SH3D21: variants seen among roughly 807,000 people sequenced by gnomAD.
The protein encoded by SH3D21 is manchette microtubule inner protein 1.
A neutral mutation model predicts 82.1 loss-of-function variants in SH3D21; 83 were observed. The observed-to-expected ratio is 1.01, with a 90% CI of 0.85 to 1.21. The LOEUF (loss-of-function observed/expected upper bound fraction) is 1.21. SH3D21 is among the 50% of genes most tolerant of loss of function. The pLI is 0.00. For synonymous variants in SH3D21, 383 were observed against 387.8 expected (o/e 0.99, Z 0.15); for missense variants, 980 against 962.1 (o/e 1.02, Z -0.25).
At chr1:36,323,826 C>G (rs1426089949), downstream of SH3D21, 1 of 152,282 alleles carries the variant, frequency 6.6e-6, no homozygotes, top group Non-Finnish European at 1.5e-5. Context: ...ACAGCAACAA[C>G]AGAGAGGCTG....
At chr1:36,325,996 G>A (rs879388874), downstream of SH3D21, among the ~76,000 whole-genome samples, 3 of 152,310 alleles carry the variant, frequency 2.0e-5, no homozygotes, top group Non-Finnish European at 4.4e-5. Flanking sequence ...TAATGCGATG[G>A]ACAACACCTG....
At chr1:36,321,841 A>T, downstream of SH3D21, 1 of 1,019,390 alleles carries the variant, frequency 9.8e-7, no homozygotes, top group Non-Finnish European at 1.2e-6. This position sits in a 1 kb window ranked among gnomAD's most constrained non-coding sequence, Gnocchi z 6.1. Flanking sequence ...GGCTGGGTGC[A>T]GGCCTGTGGG....
At chr1:36,313,287 C>T (rs1646275851) in intron 10 of SH3D21, among the ~76,000 whole-genome samples, 1 of 151,532 alleles carries the variant, frequency 6.6e-6, no homozygotes, top group South Asian at 2.1e-4. Flanking sequence ...GATCGCGTCA[C>T]TGCACTCCAG....
chr1:36,329,041 T>C (rs561431676), downstream of SH3D21: 22 of 152,402 alleles, frequency 1.4e-4, no homozygotes, highest in African/African-American at 3.8e-4. Context: ...ATGGGGCAAC[T>C]CTAGGCCATC....
chr1:36,306,921 G>C lies in SH3D21; in HGVS notation c.226+16G>C, dbSNP rs1429471356. On this transcript the variant is annotated intron_variant, in intron 3 of 15. Transcript: ENST00000453908. This position sits in a 1 kb window ranked among gnomAD's most constrained non-coding sequence, Gnocchi z 4.5. Reference sequence around the variant, plus strand: ...CGCCGCCGAGGTGAGCGCAAGGGCGGGGACGGGCGCCGGTGGGCGGGTGCA... The same window carrying C: ...CGCCGCCGAGGTGAGCGCAAGGGCGCGGACGGGCGCCGGTGGGCGGGTGCA... The C allele has an allele frequency of 3.0e-6, 4 of 1,323,762 alleles. No individual in the cohort carries two copies. The highest frequency in any genetic ancestry group is 1.3e-5 in the South Asian group (1 of 77,380). The allele number at this position is 1,323,762 out of a possible 1,614,324, so 82.0% of individuals were successfully genotyped here.
intron 10 of SH3D21, 46 bp from the exon 11 acceptor site, chr1:36,319,025 G>T (rs1017885488): frequency 1.7e-6 from 2 of 1,168,670 alleles, no homozygotes; most frequent in Non-Finnish European, 2.5e-6. Flanking sequence ...ACAAGACAGG[G>T]CTAGCGACTG....
downstream of SH3D21, chr1:36,323,088 GA>G (rs750988726): frequency 1.9e-6 from 3 of 1,576,596 alleles, no homozygotes; most frequent in Non-Finnish European, 2.6e-6. Context: ...AGCAAAGTCA[GA>G]TCCTTCTCCC....
At chr1:36,313,972 C>CTTTTTTTTCTTTTTTTTTTTTTTTTT in intron 10 of SH3D21, among the ~76,000 whole-genome samples, 1 of 36,830 alleles carries the variant, frequency 2.7e-5, no homozygotes, top group African/African-American at 7.5e-5. Flanking sequence ...AACATATTTT[C>CTTTTTTTTCTTTTTTTTTTTTTTTTT]TTTTTTTTTT....
intron 10 of SH3D21, among the ~76,000 whole-genome samples, chr1:36,314,800 TCC>T (rs1646311090): frequency 6.6e-6 from 1 of 152,058 alleles, no homozygotes; most frequent in South Asian, 2.1e-4. Flanking sequence ...TTTGATGAAG[TCC>T]CATTTATCTA....
intron 10 of SH3D21, among the ~76,000 whole-genome samples, chr1:36,311,273 C>T (rs1367036531): frequency 6.6e-6 from 1 of 151,986 alleles, no homozygotes; most frequent in Non-Finnish European, 1.5e-5. Flanking sequence ...ACGGAGTCTG[C>T]ACTGTCGCCC....
chr1:36,322,205 G>A (rs1646474844), downstream of SH3D21: 1 of 1,389,246 alleles, frequency 7.2e-7, no homozygotes, highest in Non-Finnish European at 9.3e-7. Context: ...GGGAGCTGTG[G>A]GGGCCGAGGC....
At position 36,306,916 on chromosome 1, in the gene SH3D21, G is replaced by A. The variant is rs138952213; in HGVS notation, c.226+11G>A. On this transcript the variant is annotated intron_variant, in intron 3 of 15. Transcript: ENST00000453908. The surrounding 1 kb of genome is among the most constrained non-coding windows in gnomAD (Gnocchi z 4.5). ...GTGCGCGCCGCCGAGGTGAGCGCAA[G>A]GGCGGGGACGGGCGCCGGTGGGCGG... 23 of 1,316,486 alleles carry A rather than the reference G, an allele frequency of 1.7e-5. No homozygotes were observed. In the Admixed American group the frequency reaches 5.8e-4, roughly 33 times the overall value. The allele number at this position is 1,316,486 out of a possible 1,614,324, so 81.6% of individuals were successfully genotyped here. A position where few individuals can be genotyped will look rare whatever the true frequency, so the allele number is the denominator to read the frequency against.
Position 36,307,107 on chromosome 1 carries a change from C to T in SH3D21, c.227-60C>T, listed in dbSNP as rs1646141391. 9 of 1,543,962 alleles carry T rather than the reference C, an allele frequency of 5.8e-6. No homozygotes were observed. The highest frequency in any genetic ancestry group is 1.7e-4 in the Middle Eastern group (1 of 5,808). On this transcript the variant is annotated intron_variant, in intron 3 of 15. Transcript: ENST00000453908. This position sits in a 1 kb window ranked among gnomAD's most constrained non-coding sequence, Gnocchi z 5.4. ...AAGGCTACGTGCGCGCCTTGCGCTT[C>T]CCCCAGCTCCTCTGACTGGGGCGTC...
At chr1:36,322,322 G>C (rs1404768902), downstream of SH3D21, 7 of 1,559,432 alleles carry the variant, frequency 4.5e-6, no homozygotes, top group Non-Finnish European at 6.0e-6. Context: ...GGCCCAGGGT[G>C]CCCGTGGCCG....
At position 36,307,184 on chromosome 1, in the gene SH3D21, C is replaced by T. The variant is rs948866764; in HGVS notation, c.244C>T (p.Pro82Ser). The change falls in exon 4 of 16, where the codon CCG becomes TCG. Residue 82 changes from proline to serine, a missense_variant. Transcript: ENST00000453908. This position sits in a 1 kb window ranked among gnomAD's most constrained non-coding sequence, Gnocchi z 5.4. ...ARRRGHPAKHPRPQRWCKVNF... is the reference protein window; with the variant it reads ...ARRRGHPAKHSRPQRWCKVNF... ...GGTGCTAGGTCATCCTGCCAAACAC[C>T]CGAGGCCCCAAAGATGGTGCAAAGT... 1.9e-6 allele frequency: 3 copies of T among 1,551,628 alleles called. No individual in the cohort carries two copies. In the African/African-American group the frequency reaches 4.1e-5, roughly 21 times the overall value.
downstream of SH3D21, chr1:36,324,671 A>C (rs1282357108): frequency 6.6e-6 from 1 of 152,188 alleles, no homozygotes; most frequent in African/African-American, 2.4e-5. Flanking sequence ...GTTCAAGTAG[A>C]GGGCAGATCT....
downstream of SH3D21, among the ~76,000 whole-genome samples, chr1:36,329,684 C>T (rs112418613): frequency 1.1e-4 from 16 of 151,778 alleles, 2 homozygotes; most frequent in African/African-American, 3.4e-4. Flanking sequence ...GGATATATGT[C>T]AGGTTGTGAT....
At chr1:36,321,633 G>C, downstream of SH3D21, 1 of 1,012,704 alleles carries the variant, frequency 9.9e-7, no homozygotes, top group South Asian at 3.4e-5. This position sits in a 1 kb window ranked among gnomAD's most constrained non-coding sequence, Gnocchi z 6.1. Context: ...GAAGTCCACC[G>C]TCCAGCCCAA....
chr1:36,318,750 C>A (rs1249784639), intron 10 of SH3D21, among the ~76,000 whole-genome samples: 3 of 151,874 alleles, frequency 2.0e-5, no homozygotes, highest in African/African-American at 7.3e-5. Flanking sequence ...ACTAAAAATA[C>A]AAAAAGAAAT....
Sources: allele counts gnomAD v4.1 joint callset (sites outside exome capture counted in the v4.1 genomes callset), GRCh38; gene constraint gnomAD v4.1.1; non-coding constraint Gnocchi (gnomAD v3.1); transcripts MANE v1.5; gene names NCBI Gene and HGNC (gene_info 2026-07-23, HGNC 2026-07-21).